RBMS3: variants seen among roughly 807,000 people sequenced by gnomAD.
RBMS3 encodes RNA binding motif single stranded interacting protein 3.
In RBMS3, 27 loss-of-function variants were observed where a neutral mutation model predicts 66.8. That is an observed-to-expected ratio of 0.40 (90% CI 0.30 to 0.56). RBMS3 has a LOEUF of 0.56. Ranked by LOEUF, RBMS3 falls within the 20% of genes least tolerant of loss-of-function variation. RBMS3 has a pLI of 0.40. For synonymous variants in RBMS3, 188 were observed against 183.0 expected, an observed-to-expected ratio of 1.03 and a Z score of -0.22; for missense variants, 513 against 549.5, an observed-to-expected ratio of 0.93 and a Z score of 0.66.
intron 6 of RBMS3, among the ~76,000 whole-genome samples, chr3:29,861,109 G>A (rs1279569790): frequency 6.6e-6 from 1 of 151,974 alleles, no homozygotes; most frequent in Non-Finnish European, 1.5e-5. Flanking sequence ...GTGATCATTT[G>A]TTTCATTTTT....
chr3:29,742,996 C>A (rs972581365), intron 5 of RBMS3, among the ~76,000 whole-genome samples: 1 of 152,172 alleles, frequency 6.6e-6, no homozygotes, highest in African/African-American at 2.4e-5. Flanking sequence ...GTCTGACTAT[C>A]TTTTGAAAGA....
intron 1 of RBMS3, among the ~76,000 whole-genome samples, chr3:29,362,425 G>T (rs35930207): frequency 0.54 from 81,374 of 151,974 alleles, 22,195 homozygotes; most frequent in East Asian, 0.63. Flanking sequence ...TCTCAGAGGA[G>T]TACCCGGCCT....
chr3:29,825,650 G>A (rs954378075), intron 6 of RBMS3, among the ~76,000 whole-genome samples: 1 of 152,142 alleles, frequency 6.6e-6, no homozygotes, highest in Non-Finnish European at 1.5e-5. Flanking sequence ...GACTTCCCCA[G>A]CCATGTGGAA....
At chr3:29,837,199 A>C (rs1323429846) in intron 6 of RBMS3, among the ~76,000 whole-genome samples, 1 of 152,082 alleles carries the variant, frequency 6.6e-6, no homozygotes, top group African/African-American at 2.4e-5. Flanking sequence ...TCTCCTCCAA[A>C]ACCATAATGA....
At chr3:29,540,750 A>G (rs1280606713) in intron 3 of RBMS3, among the ~76,000 whole-genome samples, 4 of 152,134 alleles carry the variant, frequency 2.6e-5, no homozygotes, top group East Asian at 3.9e-4. Flanking sequence ...CTTTATGCCA[A>G]TACTCTGAGT....
chr3:29,847,623 G>C (rs981400702), intron 6 of RBMS3, among the ~76,000 whole-genome samples: 7 of 151,748 alleles, frequency 4.6e-5, no homozygotes, highest in Non-Finnish European at 1.0e-4. Context: ...GATAAATCTG[G>C]GCCACTCCAA....
At chr3:29,698,713 G>A in intron 4 of RBMS3, 1 of 644,994 alleles carries the variant, frequency 1.6e-6, no homozygotes, top group Non-Finnish European at 1.9e-6. Context: ...TGTGGACTAT[G>A]CTATTCTTAA....
At chr3:29,730,285 C>T (rs1473038453) in intron 4 of RBMS3, among the ~76,000 whole-genome samples, 1 of 123,088 alleles carries the variant, frequency 8.1e-6, no homozygotes, top group Admixed American at 1.2e-4. Flanking sequence ...TTCCAGGAGT[C>T]ATCATTTGTG....
intron 6 of RBMS3, among the ~76,000 whole-genome samples, chr3:29,810,738 TTAAAG>T (rs1252773820): frequency 6.6e-6 from 1 of 152,194 alleles, no homozygotes; most frequent in Non-Finnish European, 1.5e-5. Flanking sequence ...ATAGTAATAA[TTAAAG>T]TAATTATATT....
intron 1 of RBMS3, among the ~76,000 whole-genome samples, chr3:29,308,089 T>C (rs1355416176): frequency 1.3e-5 from 2 of 151,922 alleles, no homozygotes; most frequent in Non-Finnish European, 2.9e-5. Flanking sequence ...TTAACTAGCA[T>C]TTTGTAAGCC....
intron 6 of RBMS3, among the ~76,000 whole-genome samples, chr3:29,808,637 A>G (rs2057631366): frequency 6.6e-6 from 1 of 152,008 alleles, no homozygotes; most frequent in Non-Finnish European, 1.5e-5. Context: ...ACATCACTCT[A>G]AGAATGGGCT....
At chr3:29,882,150 T>C (rs2059751314) in intron 7 of RBMS3, among the ~76,000 whole-genome samples, 1 of 152,118 alleles carries the variant, frequency 6.6e-6, no homozygotes, top group African/African-American at 2.4e-5. Context: ...TGCCCTTTCC[T>C]GTGCCTGAGA....
chr3:29,381,839 T>C (rs1471529095), intron 1 of RBMS3, among the ~76,000 whole-genome samples: 1 of 152,196 alleles, frequency 6.6e-6, no homozygotes, highest in South Asian at 2.1e-4. Context: ...CATCACCTCA[T>C]GTGTTTGGCA....
At chr3:29,965,720 C>G (rs77247405) in intron 12 of RBMS3, among the ~76,000 whole-genome samples, 3,615 of 152,206 alleles carry the variant, frequency 0.024, 68 homozygotes, top group Non-Finnish European at 0.04. Context: ...TGTACAAAAG[C>G]ATCTTAGTTT....
chr3:29,462,496 C>G (rs1397476077), intron 2 of RBMS3, among the ~76,000 whole-genome samples: 1 of 152,178 alleles, frequency 6.6e-6, no homozygotes, highest in Non-Finnish European at 1.5e-5. Context: ...AAATTGTTGG[C>G]AGTTGCCTGG....
intron 6 of RBMS3, among the ~76,000 whole-genome samples, chr3:29,853,622 T>A (rs2058998060): frequency 6.6e-6 from 1 of 151,978 alleles, no homozygotes; most frequent in Non-Finnish European, 1.5e-5. Flanking sequence ...TTTCCCTAAT[T>A]AGCATTTTAA....
At chr3:29,979,831 A>G (rs113053554) in intron 12 of RBMS3, among the ~76,000 whole-genome samples, 12,451 of 152,206 alleles carry the variant, frequency 0.082, 998 homozygotes, top group African/African-American at 0.2. Flanking sequence ...TATCCAGTCT[A>G]TCATTGAAGG....
At chr3:29,609,807 A>G (rs536858745) in intron 4 of RBMS3, among the ~76,000 whole-genome samples, 51 of 152,188 alleles carry the variant, frequency 3.4e-4, no homozygotes, top group Admixed American at 5.2e-4. Context: ...TAAGGTGTGT[A>G]TATGTCAGTG....
rs2040180806 is a variant in RBMS3, at chr3:29,409,595, C to G, written c.76-25148C>G. Among the ~76,000 whole-genome samples the G allele has an allele frequency of 2.0e-5, 3 of 152,360 alleles. No homozygotes were observed. In the South Asian group the frequency reaches 6.2e-4, roughly 32 times the overall value. On this transcript the variant is annotated intron_variant, in intron 1 of 14. Transcript: ENST00000383767. ...GGGTTCTAAACTACTTAGTTATTCTCTTGGGAGCATCCCAGGATAATAAGC... is the reference window on the plus strand; with the variant it reads ...GGGTTCTAAACTACTTAGTTATTCTGTTGGGAGCATCCCAGGATAATAAGC...
Sources: gnomAD v4.1 joint callset for allele counts (sites outside exome capture counted in the v4.1 genomes callset) on GRCh38, gnomAD v4.1.1 for gene constraint, MANE v1.5 for transcripts, NCBI Gene and HGNC (gene_info 2026-07-23, HGNC 2026-07-21) for gene names.